The following CHD6 variants were observed in gnomAD, a reference collection of about 807,000 sequenced individuals.
CHD6 encodes the protein ATP-dependent chromatin remodeler CHD6.
In CHD6, 50 loss-of-function variants were observed where a neutral mutation model predicts 276.9. The ratio of observed to expected loss-of-function variants is 0.18; its 90% CI spans 0.14 to 0.23. CHD6 has a LOEUF of 0.23. CHD6 is among the 10% of genes least tolerant of loss of function. CHD6 has a pLI of 1.00. For synonymous variants in CHD6, 1,173 were observed against 1,229.3 expected (o/e 0.95, Z 0.96); for missense variants, 2,564 against 3,365.8 (o/e 0.76, Z 5.89).
In CHD6 at chr20:41,452,570, C is replaced by CT; in HGVS notation, c.3323+169dup. On this transcript the variant is annotated intron_variant, in intron 21 of 36. Transcript: ENST00000373233. This position sits in a 1 kb window ranked among gnomAD's most constrained non-coding sequence, Gnocchi z 4.2. ...ATTGTGGTTGCGGAGCATACGGTGA[C>CT]TGAGACGGATTCTGGGCAGAAGGCA... 6.6e-6 allele frequency among the ~76,000 whole-genome samples: 1 copy of CT among 152,164 alleles called. No individual in the cohort carries two copies. Among genetic ancestry groups the CT allele is most frequent in the East Asian group, 1.9e-4 (1 of 5,190 alleles).
chr20:41,406,739 C>T (rs1305055183), intron 36 of CHD6, among the ~76,000 whole-genome samples: 1 of 152,236 alleles, frequency 6.6e-6, no homozygotes, highest in South Asian at 2.1e-4. Context: ...TGGAGAACTG[C>T]ATGCCTTTCT....
chr20:41,512,165 A>G (rs1036532962), intron 5 of CHD6, among the ~76,000 whole-genome samples: 7 of 151,012 alleles, frequency 4.6e-5, no homozygotes, highest in African/African-American at 1.7e-4. Context: ...GGGTTTTGCC[A>G]TGTTGCCCAT....
rs774422854 is a variant in CHD6, at chr20:41,404,586, A to G, written c.*7T>C. ...AAGTCACAATAATTTCTTAAATGAA[A>G]AAAGTTCTAATTGGTGTCGTTGTTG... On this transcript the variant is annotated 3_prime_UTR_variant, in exon 37 of 37. Coordinates refer to ENST00000373233, the MANE Select transcript of CHD6 (RefSeq NM_032221.5). The G allele has an allele frequency of 2.7e-6, 4 of 1,468,994 alleles. No homozygotes were observed. In the Admixed American group the frequency reaches 7.1e-5, roughly 26 times the overall value. The allele number at this position is 1,468,994 out of a possible 1,614,324, so 91.0% of individuals were successfully genotyped here.
intron 5 of CHD6, among the ~76,000 whole-genome samples, chr20:41,504,426 T>TTTTTA (rs2043926591): frequency 7.5e-6 from 1 of 132,662 alleles, no homozygotes; most frequent in African/African-American, 2.8e-5. Flanking sequence ...TTTTTTTTTT[T>TTTTTA]AGACAGGATC....
Position 41,452,935 on chromosome 20 carries a change from A to T in CHD6, c.3128T>A (p.Leu1043Ter). 1 of 1,613,498 alleles carries T rather than the reference A, an allele frequency of 6.2e-7. No individual in the cohort carries two copies. Among genetic ancestry groups the T allele is most frequent in the Non-Finnish European group, 8.5e-7 (1 of 1,179,724 alleles). ...TCTCACGCGAGGTCGGTCGATCACT[A>T]AGCTTTCCTAGAAATGGAGAGGACT... The part of the protein sequence containing the change: ...DTEAKNEKES[L>*]VIDRPRVRKQ... Residue 1043 changes from leucine to a stop codon, truncating the protein, a stop_gained, in exon 21 of 37, where the codon TTA becomes TAA. Transcript: ENST00000373233. LOFTEE classifies it high-confidence loss of function. This position sits in a 1 kb window ranked among gnomAD's most constrained non-coding sequence, Gnocchi z 4.2.
chr20:41,598,961 C>T (rs993671221), intron 1 of CHD6, among the ~76,000 whole-genome samples: 5 of 152,198 alleles, frequency 3.3e-5, no homozygotes, highest in African/African-American at 1.2e-4. Flanking sequence ...CCTACGGGTC[C>T]TCTGACCCTT....
intron 1 of CHD6, among the ~76,000 whole-genome samples, chr20:41,595,941 C>T (rs112152688): frequency 6.6e-6 from 1 of 151,922 alleles, no homozygotes; most frequent in African/African-American, 2.4e-5. Context: ...TCCTCTACCC[C>T]CTAAAAGCTA....
At chr20:41,432,243 G>C (rs890530502) in intron 27 of CHD6, among the ~76,000 whole-genome samples, 1 of 151,770 alleles carries the variant, frequency 6.6e-6, no homozygotes, top group African/African-American at 2.4e-5. Context: ...AGCAGGTTAG[G>C]GACACAGAAA....
At chr20:41,600,435 G>C (rs886969352) in intron 1 of CHD6, among the ~76,000 whole-genome samples, 2 of 152,142 alleles carry the variant, frequency 1.3e-5, no homozygotes, top group Non-Finnish European at 2.9e-5. Flanking sequence ...TAGAGTGAGG[G>C]GGGGGTCTTA....
chr20:41,591,575 A>C (rs4810326), intron 1 of CHD6, among the ~76,000 whole-genome samples: 141,136 of 152,130 alleles, frequency 0.93, 65,588 homozygotes, highest in East Asian at 1. Flanking sequence ...TGCCTATAAT[A>C]CCAGCTATTC....
intron 8 of CHD6, among the ~76,000 whole-genome samples, chr20:41,494,706 A>T (rs2043639436): frequency 6.6e-6 from 1 of 152,172 alleles, no homozygotes; most frequent in South Asian, 2.1e-4. Context: ...AGTGCTGAAG[A>T]GCTCTTACTG....
intron 26 of CHD6, 147 bp downstream of exon 26, chr20:41,439,853 C>T: frequency 1.4e-6 from 1 of 739,952 alleles, no homozygotes; most frequent in East Asian, 2.7e-5. Context: ...ACCAAAGTAG[C>T]AATTATGGAA....
At chr20:41,479,552 A>G (rs1010206409) in intron 16 of CHD6, among the ~76,000 whole-genome samples, 2 of 152,110 alleles carry the variant, frequency 1.3e-5, no homozygotes. Flanking sequence ...AAAAAAGTGA[A>G]CCTAAAATTC....
intron 1 of CHD6, among the ~76,000 whole-genome samples, chr20:41,573,665 A>G (rs1434260252): frequency 2.0e-5 from 3 of 152,212 alleles, no homozygotes; most frequent in Non-Finnish European, 4.4e-5. Flanking sequence ...AGAACAATGC[A>G]AAAAGAAAAA....
chr20:41,441,251 T>C (rs1168588092), intron 25 of CHD6, among the ~76,000 whole-genome samples: 1 of 152,194 alleles, frequency 6.6e-6, no homozygotes, highest in African/African-American at 2.4e-5. Flanking sequence ...AGTCAGTACC[T>C]AGCAAAGGGC....
rs1242094201 is a variant in CHD6, at chr20:41,473,064, T to C, written c.2664+258A>G. The C allele has an allele frequency of 2.5e-6, 1 of 392,606 alleles. No individual in the cohort carries two copies. The highest frequency in any genetic ancestry group is 2.0e-5 in the African/African-American group (1 of 49,648). The allele number at this position is 392,606 out of a possible 1,614,324, so 24.3% of individuals were successfully genotyped here. On this transcript the variant is annotated intron_variant, in intron 17 of 36. Transcript: ENST00000373233. This position sits in a 1 kb window ranked among gnomAD's most constrained non-coding sequence, Gnocchi z 4.1. ...TATTTCTGATAATAATAATAATTAG[T>C]AGTTCTAGTCTATATCTGGAGGCTA...
intron 7 of CHD6, chr20:41,497,868 T>C (rs915042950): frequency 1.1e-5 from 5 of 437,694 alleles, no homozygotes; most frequent in East Asian, 4.2e-5. Context: ...TCTACCCTGG[T>C]TGCATATGAG....
Position 41,587,830 on chromosome 20 carries a change from C to CA in CHD6, c.-24+30509dup, listed in dbSNP as rs10718241. ...GACATTTCTGTAGTGAAAAACAAAC[C>CA]AAAAAAAACCCAAAAAAACCCTGCT... On this transcript the variant is annotated intron_variant, in intron 1 of 36. Coordinates refer to ENST00000373233, the MANE Select transcript of CHD6 (RefSeq NM_032221.5). Among the ~76,000 whole-genome samples, 92 of 151,516 alleles carry CA rather than the reference C, an allele frequency of 6.1e-4. No individual in the cohort carries two copies. The East Asian group carries it at 0.012, about 21-fold the overall frequency.
intron 2 of CHD6, among the ~76,000 whole-genome samples, chr20:41,542,804 C>T (rs1222956109): frequency 6.6e-6 from 1 of 151,656 alleles, no homozygotes; most frequent in African/African-American, 2.4e-5. Flanking sequence ...TGATATTTTA[C>T]ACATAAAATG....
Sources: gnomAD v4.1 joint callset for allele counts (sites outside exome capture counted in the v4.1 genomes callset) on GRCh38, gnomAD v4.1.1 for gene constraint, Gnocchi (gnomAD v3.1) non-coding constraint, MANE v1.5 for transcripts, NCBI Gene and HGNC (gene_info 2026-07-23, HGNC 2026-07-21) for gene names.